The following PTDSS1 variants were observed in gnomAD, a reference collection of about 807,000 sequenced individuals.
PTDSS1 encodes phosphatidylserine synthase 1, also known as PSS-1.
In PTDSS1, 45 loss-of-function variants were observed where a neutral mutation model predicts 70.5. The ratio of observed to expected loss-of-function variants is 0.64; its 90% CI spans 0.50 to 0.82. PTDSS1 has a LOEUF of 0.82. Among genes scored for constraint, PTDSS1 ranks in the 40% least tolerant of loss-of-function variants. PTDSS1 has a pLI of 0.00. For missense variants in PTDSS1, 417 were observed against 586.1 expected, an observed-to-expected ratio of 0.71 and a Z score of 2.98; for synonymous variants, 188 against 203.8, an observed-to-expected ratio of 0.92 and a Z score of 0.66.
chr8:96,330,943 A>G (rs1586213264), intron 11 of PTDSS1, 83 bp from the exon 12 acceptor site: 3 of 1,143,760 alleles, frequency 2.6e-6, no homozygotes. Flanking sequence ...AGAGGCAGGG[A>G]TGCAGCATGC....
In PTDSS1 at chr8:96,306,428, T is replaced by A; in HGVS notation, c.895-16T>A. The A allele has an allele frequency of 6.3e-7, 1 of 1,590,980 alleles. No homozygotes were observed. The highest frequency in any genetic ancestry group is 8.6e-7 in the Non-Finnish European group (1 of 1,159,118). ...GCATGAGGTACCAGGTTGACTAATT[T>A]CTCCGTCTTTTTCAGCTGACTGAGT... On this transcript the variant is annotated splice_polypyrimidine_tract_variant and intron_variant, in intron 7 of 12. Transcript: ENST00000517309.
intron 11 of PTDSS1, 64 bp downstream of exon 11, chr8:96,330,345 CT>C: frequency 1.3e-6 from 2 of 1,487,198 alleles, no homozygotes; most frequent in Non-Finnish European, 1.9e-6. Flanking sequence ...GGCAAATTCG[CT>C]CAGAGCACGT....
At chr8:96,270,712 T>C (rs1810554140) in intron 1 of PTDSS1, among the ~76,000 whole-genome samples, 1 of 152,154 alleles carries the variant, frequency 6.6e-6, no homozygotes, top group Admixed American at 6.5e-5. Flanking sequence ...TCCAAAGACC[T>C]CACTGTCTTT....
rs1404369476 is a variant in PTDSS1 at position 96,334,067 on chromosome 8, G to C, written c.*501G>C. On this transcript the variant is annotated 3_prime_UTR_variant, in exon 13 of 13. Coordinates refer to ENST00000517309, the MANE Select transcript of PTDSS1 (RefSeq NM_014754.3). ...ACTGTTGTTATTTGTTTTTAAGTTAGGATGCTTTTTAACAGCCTTTAGAAG... is the reference window on the plus strand; with the variant it reads ...ACTGTTGTTATTTGTTTTTAAGTTACGATGCTTTTTAACAGCCTTTAGAAG... 2.5e-6 allele frequency: 1 copy of C among 395,702 alleles called. No individual in the cohort carries two copies. The highest frequency in any genetic ancestry group is 4.5e-6 in the Non-Finnish European group (1 of 223,210). The allele number at this position is 395,702 out of a possible 1,614,324, so 24.5% of individuals were successfully genotyped here.
chr8:96,262,239 C>T lies in PTDSS1; in HGVS notation c.179+20C>T. On this transcript the variant is annotated intron_variant, in intron 1 of 12. Coordinates refer to ENST00000517309, the MANE Select transcript of PTDSS1 (RefSeq NM_014754.3). This position sits in a 1 kb window ranked among gnomAD's most constrained non-coding sequence, Gnocchi z 4.4. ...TACCAGGTGGGGCGGCCCAGCCGAG[C>T]GGGGGGCGCGTCCAAGGGCTAGGGA... 2.8e-6 allele frequency: 3 copies of T among 1,083,050 alleles called. No homozygotes were observed. The highest frequency in any genetic ancestry group is 3.6e-6 in the Non-Finnish European group (3 of 835,472). The allele number at this position is 1,083,050 out of a possible 1,614,324, so 67.1% of individuals were successfully genotyped here.
At chr8:96,272,642 C>T (rs1810582956) in intron 1 of PTDSS1, among the ~76,000 whole-genome samples, 1 of 152,172 alleles carries the variant, frequency 6.6e-6, no homozygotes, top group South Asian at 2.1e-4. Flanking sequence ...CTTAATCTTT[C>T]TGAACTTTTG....
intron 10 of PTDSS1, among the ~76,000 whole-genome samples, chr8:96,325,155 C>G (rs1811421619): frequency 1.3e-5 from 2 of 152,138 alleles, no homozygotes; most frequent in Non-Finnish European, 2.9e-5. Flanking sequence ...TATTATCCCT[C>G]TTTTACAGAT....
rs919949880 is a variant in PTDSS1 at position 96,336,026 on chromosome 8, T to C, written c.*2460T>C. Reference sequence around the variant, plus strand: ...CATTGAGTGTTAGGTTCTTTTCCCTTTTTTTCATTCTTGGTCTTCCCAAAG... The same window carrying C: ...CATTGAGTGTTAGGTTCTTTTCCCTCTTTTTCATTCTTGGTCTTCCCAAAG... On this transcript the variant is annotated 3_prime_UTR_variant, in exon 13 of 13. Coordinates refer to ENST00000517309, the MANE Select transcript of PTDSS1 (RefSeq NM_014754.3). 7.3e-5 allele frequency: 11 copies of C among 150,460 alleles called. No individual in the cohort carries two copies. Among genetic ancestry groups the C allele is most frequent in the African/African-American group, 2.8e-4 (11 of 39,764 alleles). The allele number at this position is 150,460 out of a possible 1,614,324, so 9.3% of individuals were successfully genotyped here. A position where few individuals can be genotyped will look rare whatever the true frequency, so the allele number is the denominator to read the frequency against.
At chr8:96,285,336 T>G (rs569887854) in intron 3 of PTDSS1, among the ~76,000 whole-genome samples, 1 of 152,164 alleles carries the variant, frequency 6.6e-6, no homozygotes, top group South Asian at 2.1e-4. Context: ...TAGTGCACCC[T>G]GGGAGAAGAG....
At chr8:96,327,064 G>T (rs1811448452) in intron 10 of PTDSS1, among the ~76,000 whole-genome samples, 1 of 152,198 alleles carries the variant, frequency 6.6e-6, no homozygotes, top group Non-Finnish European at 1.5e-5. Flanking sequence ...GGTGAATTTG[G>T]TTCAGGGGAT....
Position 96,273,397 on chromosome 8 carries a change from A to G in PTDSS1, c.271+7A>G. ...GTGTTAGCTTTCCCCAATGGTAAGT[A>G]ATGTCATGCATTACCACATTTCTCC... On this transcript the variant is annotated splice_region_variant and intron_variant, in intron 2 of 12. Transcript: ENST00000517309. 1 of 1,589,204 alleles carries G rather than the reference A, an allele frequency of 6.3e-7. No individual in the cohort carries two copies. Among genetic ancestry groups the G allele is most frequent in the South Asian group, 1.1e-5 (1 of 88,742 alleles).
At chr8:96,325,749 G>A (rs1028579550) in intron 10 of PTDSS1, among the ~76,000 whole-genome samples, 1 of 152,182 alleles carries the variant, frequency 6.6e-6, no homozygotes, top group Non-Finnish European at 1.5e-5. Flanking sequence ...CTGGCTGGGG[G>A]CTTGAGAGGG....
At chr8:96,268,881 C>G (rs780286188) in intron 1 of PTDSS1, among the ~76,000 whole-genome samples, 1 of 152,184 alleles carries the variant, frequency 6.6e-6, no homozygotes, top group Non-Finnish European at 1.5e-5. Context: ...AGACTCCCCC[C>G]TCACGTTACC....
chr8:96,334,711 T>C lies in PTDSS1; in HGVS notation c.*1145T>C, dbSNP rs1283873484. 7 of 152,362 alleles carry C rather than the reference T, an allele frequency of 4.6e-5. No individual in the cohort carries two copies. The East Asian group carries it at 9.6e-4, about 21-fold the overall frequency. 9.4% of individuals were successfully genotyped at this position (152,362 alleles called of 1,614,324 possible). A position where few individuals can be genotyped will look rare whatever the true frequency, so the allele number is the denominator to read the frequency against. Reference sequence around the variant, plus strand: ...GTGTATTTTAAAGGGCTTACAGACATATATGTCCTACTTCTTAGACTACCC... The same window carrying C: ...GTGTATTTTAAAGGGCTTACAGACACATATGTCCTACTTCTTAGACTACCC... On this transcript the variant is annotated 3_prime_UTR_variant, in exon 13 of 13. Coordinates refer to ENST00000517309, the MANE Select transcript of PTDSS1 (RefSeq NM_014754.3).
chr8:96,316,647 A>G (rs865951649), intron 9 of PTDSS1, among the ~76,000 whole-genome samples: 58 of 152,114 alleles, frequency 3.8e-4, no homozygotes, highest in African/African-American at 1.4e-3. Context: ...TAGCATTCCT[A>G]CACATGTACC....
At chr8:96,323,448 C>T (rs1202710867) in intron 10 of PTDSS1, among the ~76,000 whole-genome samples, 1 of 152,216 alleles carries the variant, frequency 6.6e-6, no homozygotes, top group African/African-American at 2.4e-5. Flanking sequence ...TTGCGTTTTG[C>T]ATACCTGCAG....
At chr8:96,292,754 A>T (rs1810925290) in intron 4 of PTDSS1, among the ~76,000 whole-genome samples, 1 of 152,206 alleles carries the variant, frequency 6.6e-6, no homozygotes, top group African/African-American at 2.4e-5. Flanking sequence ...AGTGGAGCAG[A>T]TTGCTTTAGA....
At chr8:96,310,368 T>C (rs1214385996) in intron 9 of PTDSS1, among the ~76,000 whole-genome samples, 1 of 151,844 alleles carries the variant, frequency 6.6e-6, no homozygotes, top group African/African-American at 2.4e-5. Context: ...TTTCACCGTG[T>C]TGGTCAGGCT....
chr8:96,330,355 G>C, intron 11 of PTDSS1, 74 bp downstream of exon 11: 1 of 1,388,244 alleles, frequency 7.2e-7, no homozygotes, highest in Non-Finnish European at 1.0e-6. Context: ...CTCAGAGCAC[G>C]TGCCTGTAAG....
Sources: gnomAD v4.1 joint callset for allele counts (sites outside exome capture counted in the v4.1 genomes callset) on GRCh38, gnomAD v4.1.1 for gene constraint, Gnocchi (gnomAD v3.1) non-coding constraint, MANE v1.5 for transcripts, NCBI Gene and HGNC (gene_info 2026-07-23, HGNC 2026-07-21) for gene names.